Variants in MMP16 observed in about 807,000 individuals in gnomAD.
MMP16 encodes matrix metalloproteinase-16.
MMP16 carries 12 observed loss-of-function variants against 67.8 expected under a neutral mutation model. The observed-to-expected ratio is 0.18, with a 90% CI of 0.11 to 0.29. The LOEUF is 0.29. Among genes scored for constraint, MMP16 ranks in the 10% least tolerant of loss-of-function variants. The pLI is 1.00. For synonymous variants in MMP16, 249 were observed against 255.9 expected (o/e 0.97, Z 0.26); for missense variants, 475 against 765.7 (o/e 0.62, Z 4.48).
chr8:88,161,282 G>T (rs1295385511), intron 4 of MMP16, among the ~76,000 whole-genome samples: 12 of 152,144 alleles, frequency 7.9e-5, no homozygotes, highest in Non-Finnish European at 1.5e-4. Context: ...TTGGGACGGT[G>T]TATGTGTCCA....
intron 1 of MMP16, among the ~76,000 whole-genome samples, chr8:88,310,645 T>G (rs1275675872): frequency 6.6e-6 from 1 of 152,162 alleles, no homozygotes; most frequent in East Asian, 1.9e-4. Context: ...AGATATACTC[T>G]GGCTCAACAC....
intron 1 of MMP16, among the ~76,000 whole-genome samples, chr8:88,265,067 G>C (rs1810453287): frequency 6.6e-6 from 1 of 152,090 alleles, no homozygotes; most frequent in Admixed American, 6.5e-5. Flanking sequence ...TTTCCTATTT[G>C]ATGCTACCTA....
At chr8:88,138,811 C>T (rs1808164601) in intron 4 of MMP16, among the ~76,000 whole-genome samples, 1 of 151,750 alleles carries the variant, frequency 6.6e-6, no homozygotes, top group Non-Finnish European at 1.5e-5. Flanking sequence ...TCTGAATACA[C>T]ACACATACAC....
At chr8:88,202,329 C>G (rs1289872732) in intron 1 of MMP16, among the ~76,000 whole-genome samples, 1 of 152,086 alleles carries the variant, frequency 6.6e-6, no homozygotes, top group South Asian at 2.1e-4. Context: ...TATTTTATAC[C>G]TTAACAGGAA....
At chr8:88,288,734 A>G (rs76163988) in intron 1 of MMP16, among the ~76,000 whole-genome samples, 4,535 of 152,298 alleles carry the variant, frequency 0.03, 57 homozygotes, top group South Asian at 0.045. Context: ...CAGGAAACCA[A>G]TGTTTATTGT....
chr8:88,210,703 A>G (rs1320321449), intron 1 of MMP16, among the ~76,000 whole-genome samples: 1 of 152,154 alleles, frequency 6.6e-6, no homozygotes, highest in Admixed American at 6.5e-5. Flanking sequence ...GGTAATAGTG[A>G]TAATTTAGGC....
chr8:88,051,307 C>T (rs1440436539), intron 8 of MMP16, among the ~76,000 whole-genome samples: 4 of 152,094 alleles, frequency 2.6e-5, no homozygotes, highest in Admixed American at 6.5e-5. Flanking sequence ...AGTAAATTAG[C>T]ATATTCAGAT....
At chr8:88,241,609 T>C (rs573969847) in intron 1 of MMP16, among the ~76,000 whole-genome samples, 1 of 152,288 alleles carries the variant, frequency 6.6e-6, no homozygotes, top group East Asian at 1.9e-4. Flanking sequence ...TTATGGTATA[T>C]AACATGATGT....
Position 88,041,592 on chromosome 8 carries a change from T to C in MMP16, c.1693A>G (p.Ile565Val). The C allele has an allele frequency of 6.2e-7, 1 of 1,614,158 alleles. No individual in the cohort carries two copies. ...AAGATGCAGGGAATGACAATAGCTA[T>C]GGCTTTCACAGTGCTGGCTGTGTTG... is the stretch of plus-strand genomic sequence containing the variant. ...LDNTASTVKA[I>V]AIVIPCILAL... Residue 565 changes from isoleucine to valine, a missense_variant, in exon 10 of 10, where the codon ATA becomes GTA. By Grantham distance (29) the Ile-to-Val change is conservative. Transcript: ENST00000286614. This position sits in a 1 kb window ranked among gnomAD's most constrained non-coding sequence, Gnocchi z 6.0.
At chr8:88,290,385 T>C (rs567021753) in intron 1 of MMP16, among the ~76,000 whole-genome samples, 36 of 152,118 alleles carry the variant, frequency 2.4e-4, no homozygotes, top group African/African-American at 7.5e-4. Context: ...ACCCCGTCTC[T>C]ACTAAAAAAT....
At chr8:88,259,038 C>G (rs1810347291) in intron 1 of MMP16, among the ~76,000 whole-genome samples, 1 of 152,130 alleles carries the variant, frequency 6.6e-6, no homozygotes, top group African/African-American at 2.4e-5. Context: ...TTCCTCCTTT[C>G]ACCATACATC....
intron 6 of MMP16, among the ~76,000 whole-genome samples, chr8:88,092,519 C>T (rs1036284136): frequency 3.3e-5 from 5 of 151,624 alleles, no homozygotes; most frequent in African/African-American, 1.2e-4. Context: ...TTTGACTGTC[C>T]TTTCTTTCTC....
At chr8:88,075,096 T>G (rs574878312) in intron 6 of MMP16, among the ~76,000 whole-genome samples, 1 of 152,206 alleles carries the variant, frequency 6.6e-6, no homozygotes, top group Admixed American at 6.6e-5. Context: ...GGGCCATGCA[T>G]GCTTCCTAAC....
chr8:88,194,420 AAC>A (rs1809219463), intron 2 of MMP16, among the ~76,000 whole-genome samples: 1 of 152,116 alleles, frequency 6.6e-6, no homozygotes, highest in African/African-American at 2.4e-5. Flanking sequence ...ACCGTAATAT[AAC>A]AGAGTGTGAT....
At chr8:88,260,312 TTTTG>T (rs1186821106) in intron 1 of MMP16, among the ~76,000 whole-genome samples, 1 of 152,136 alleles carries the variant, frequency 6.6e-6, no homozygotes, top group Non-Finnish European at 1.5e-5. Flanking sequence ...TTTATTTTTG[TTTTG>T]TTTTTTACAA....
intron 1 of MMP16, among the ~76,000 whole-genome samples, chr8:88,247,391 C>T (rs1488773641): frequency 6.6e-6 from 1 of 152,002 alleles, no homozygotes; most frequent in African/African-American, 2.4e-5. Flanking sequence ...TATTAGTTTT[C>T]AGAAACATGT....
At chr8:88,316,717 T>C (rs1257825816) in intron 1 of MMP16, among the ~76,000 whole-genome samples, 1 of 152,080 alleles carries the variant, frequency 6.6e-6, no homozygotes. Flanking sequence ...GATCAAAGAG[T>C]AATTTCAAGT....
rs972071936 is a variant in MMP16 at position 88,058,363 on chromosome 8, T to C, written c.1223-2085A>G. 6.6e-6 allele frequency among the ~76,000 whole-genome samples: 1 copy of C among 152,118 alleles called. No homozygotes were observed. The highest frequency in any genetic ancestry group is 1.5e-5 in the Non-Finnish European group (1 of 67,992). ...ATCAAGAGTCTTTGGCAAGAATTAA[T>C]TGAATCATTCACTCAATAATTACTT... On this transcript the variant is annotated intron_variant, in intron 7 of 9. Coordinates refer to ENST00000286614, the MANE Select transcript of MMP16 (RefSeq NM_005941.5). The surrounding 1 kb of genome is among the most constrained non-coding windows in gnomAD (Gnocchi z 4.2).
chr8:88,291,471 G>C (rs571767833), intron 1 of MMP16, among the ~76,000 whole-genome samples: 1 of 152,146 alleles, frequency 6.6e-6, no homozygotes, highest in Non-Finnish European at 1.5e-5. Context: ...AAACTAGAAA[G>C]ATCCTTCCTA....
Sources: allele counts gnomAD v4.1 joint callset (sites outside exome capture counted in the v4.1 genomes callset), GRCh38; gene constraint gnomAD v4.1.1; non-coding constraint Gnocchi (gnomAD v3.1); transcripts MANE v1.5; gene names NCBI Gene and HGNC (gene_info 2026-07-23, HGNC 2026-07-21).